The following CCN4 variants were observed in gnomAD, a reference collection of about 807,000 sequenced individuals.
CCN4 encodes cellular communication network factor 4.
Under a neutral mutation model 36.7 loss-of-function variants are expected in CCN4, and 30 were observed. That is an observed-to-expected ratio of 0.82 (90% CI 0.61 to 1.11). The LOEUF (loss-of-function observed/expected upper bound fraction) is 1.11. Ranked by LOEUF, CCN4 falls within the 50% of genes least tolerant of loss-of-function variation. CCN4 has a pLI of 0.00. For synonymous variants in CCN4, 191 were observed against 195.4 expected (o/e 0.98, Z 0.19); for missense variants, 505 against 504.9 (o/e 1.00, Z 0.00).
At chr8:133,205,431 C>A (rs547782647) in intron 1 of CCN4, among the ~76,000 whole-genome samples, 1 of 152,288 alleles carries the variant, frequency 6.6e-6, no homozygotes, top group South Asian at 2.1e-4. Context: ...GACTTACGAT[C>A]TTTTCTCCTT....
At chr8:133,194,545 G>A in intron 1 of CCN4, among the ~76,000 whole-genome samples, 1 of 89,222 alleles carries the variant, frequency 1.1e-5, no homozygotes, top group Non-Finnish European at 2.2e-5. Flanking sequence ...TGGTGTGTAT[G>A]TGGTGTGTGT....
chr8:133,206,994 C>CG (rs897328517), intron 1 of CCN4, among the ~76,000 whole-genome samples: 22 of 152,104 alleles, frequency 1.4e-4, no homozygotes, highest in African/African-American at 3.9e-4. Flanking sequence ...AGCAGGAAGG[C>CG]GGGGGGGAAA....
rs1223966080 is a variant in CCN4, at chr8:133,229,010, A to G, written c.*1300A>G. On this transcript the variant is annotated 3_prime_UTR_variant, in exon 5 of 5. Transcript: ENST00000250160. ...CTATTATTTATTGTATTAGGAAAAT[A>G]TAATATTTACTGTTAGAATTCTTTT... 2.6e-5 allele frequency: 4 copies of G among 152,254 alleles called. No individual in the cohort carries two copies. The East Asian group carries it at 7.7e-4, about 29-fold the overall frequency. 9.4% of individuals were successfully genotyped at this position (152,254 alleles called of 1,614,324 possible).
At position 133,213,083 on chromosome 8, in the gene CCN4, C is replaced by T. The variant is rs745595165; in HGVS notation, c.289C>T (p.Arg97Trp). The change falls in exon 2 of 5, where the codon CGG becomes TGG. Residue 97 changes from arginine to tryptophan, a missense_variant. Coordinates refer to ENST00000250160, the MANE Select transcript of CCN4 (RefSeq NM_003882.4). ...CTEAAICDPH[R>W]GLYCDYSGDR... is the part of the protein sequence containing the mutation. ...GGAGGCTGCCATCTGTGACCCCCAC[C>T]GGGGCCTCTACTGTGACTACAGCGG... 1.2e-6 allele frequency: 2 copies of T among 1,614,088 alleles called. No individual in the cohort carries two copies. Among genetic ancestry groups the T allele is most frequent in the Non-Finnish European group, 8.5e-7 (1 of 1,179,938 alleles).
In CCN4 at chr8:133,227,507, T is replaced by C. The variant is rs1165444613; in HGVS notation, c.901T>C (p.Cys301Arg). ...CACACGCTCCTATCAACCCAAGTACTGTGGAGTTTGCATGGACAATAGGTG... is the reference window on the plus strand; with the variant it reads ...CACACGCTCCTATCAACCCAAGTACCGTGGAGTTTGCATGGACAATAGGTG... ...ISTRSYQPKY[C>R]GVCMDNRCCI... The change falls in exon 5 of 5, where the codon TGT (cysteine) becomes CGT (arginine). Residue 301 changes from cysteine to arginine, a missense_variant. Transcript: ENST00000250160. 6.2e-7 allele frequency: 1 copy of C among 1,614,182 alleles called. No individual in the cohort carries two copies. Among genetic ancestry groups the C allele is most frequent in the Non-Finnish European group, 8.5e-7 (1 of 1,180,034 alleles).
chr8:133,201,021 T>C (rs2977526), intron 1 of CCN4, among the ~76,000 whole-genome samples: 152,275 of 152,306 alleles, frequency 1, 76,122 homozygotes, highest in Non-Finnish European at 1. Flanking sequence ...TGTGGTCCTA[T>C]TCCCAACCCC....
chr8:133,191,924 C>T (rs1053708302), intron 1 of CCN4, among the ~76,000 whole-genome samples: 1 of 152,120 alleles, frequency 6.6e-6, no homozygotes, highest in African/African-American at 2.4e-5. Flanking sequence ...CCAGGGTACA[C>T]CAAGGGGAAG....
intron 1 of CCN4, among the ~76,000 whole-genome samples, chr8:133,212,213 C>T (rs1854071206): frequency 6.6e-6 from 1 of 152,132 alleles, no homozygotes; most frequent in Non-Finnish European, 1.5e-5. Context: ...CCATGTAGGG[C>T]TTGTGCTGGC....
At chr8:133,226,115 A>C (rs1854726502) in intron 4 of CCN4, among the ~76,000 whole-genome samples, 1 of 152,228 alleles carries the variant, frequency 6.6e-6, no homozygotes, top group South Asian at 2.1e-4. Context: ...GATAATTAAA[A>C]TAAAGCATCA....
intron 1 of CCN4, among the ~76,000 whole-genome samples, chr8:133,192,045 G>GA (rs1403349431): frequency 1.3e-5 from 2 of 152,216 alleles, no homozygotes; most frequent in Non-Finnish European, 2.9e-5. Context: ...GCAGTGCAAG[G>GA]AGGGCAGGAG....
chr8:133,202,366 T>C (rs780464337), intron 1 of CCN4, among the ~76,000 whole-genome samples: 1 of 152,206 alleles, frequency 6.6e-6, no homozygotes, highest in South Asian at 2.1e-4. Context: ...CGTTCCTGTC[T>C]CCTTGGAGGC....
chr8:133,212,927 C>T lies in CCN4; in HGVS notation c.133C>T (p.Arg45Cys), dbSNP rs529938783. Residue 45 changes from arginine to cysteine, a missense_variant, in exon 2 of 5, where the codon CGC (arginine) becomes TGC (cysteine). Arg to Cys is a radical substitution (Grantham distance 180). Transcript: ENST00000250160. ...AGCTCCACTGGAGGACACCTCCTCA[C>T]GCCCCCAATTCTGCAAGTGGCCATG... Reference protein sequence around the residue: ...TPAPLEDTSSRPQFCKWPCEC... With the variant: ...TPAPLEDTSSCPQFCKWPCEC... The T allele has an allele frequency of 9.9e-6, 16 of 1,613,362 alleles. No homozygotes were observed. Among genetic ancestry groups the T allele is most frequent in the African/African-American group, 4.0e-5 (3 of 74,966 alleles).
chr8:133,217,170 A>C (rs976596633), intron 2 of CCN4, among the ~76,000 whole-genome samples: 2 of 152,274 alleles, frequency 1.3e-5, no homozygotes, highest in Non-Finnish European at 2.9e-5. Context: ...AGTGCCTGCT[A>C]CATGGCAGGA....
chr8:133,212,400 A>G (rs1564259417), intron 1 of CCN4, among the ~76,000 whole-genome samples: 1 of 151,970 alleles, frequency 6.6e-6, no homozygotes, highest in African/African-American at 2.4e-5. Context: ...TGACTCAGAG[A>G]GGCCTTAAGA....
intron 1 of CCN4, among the ~76,000 whole-genome samples, chr8:133,200,527 T>C (rs985963329): frequency 6.6e-6 from 1 of 152,192 alleles, no homozygotes; most frequent in African/African-American, 2.4e-5. Flanking sequence ...GCCTGGGACA[T>C]GAAAGGCCCT....
At chr8:133,220,528 G>C (rs1588202395) in intron 2 of CCN4, 53 bp from the exon 3 acceptor site, 1 of 1,589,768 alleles carries the variant, frequency 6.3e-7, no homozygotes, top group Middle Eastern at 1.7e-4. Context: ...AGGCAGCTGG[G>C]CCAGCCAGGG....
chr8:133,196,320 C>G (rs934229929), intron 1 of CCN4, among the ~76,000 whole-genome samples: 5 of 152,200 alleles, frequency 3.3e-5, no homozygotes, highest in Non-Finnish European at 7.3e-5. Context: ...ATAAGATACA[C>G]CATTGATTCC....
intron 2 of CCN4, among the ~76,000 whole-genome samples, chr8:133,213,628 C>G (rs1038942683): frequency 3.3e-5 from 5 of 150,868 alleles, no homozygotes; most frequent in Non-Finnish European, 7.4e-5. Context: ...CTACATTTCT[C>G]AGTTACTTCA....
chr8:133,214,495 C>G (rs1197612394), intron 2 of CCN4, among the ~76,000 whole-genome samples: 1 of 149,388 alleles, frequency 6.7e-6, no homozygotes, highest in Non-Finnish European at 1.5e-5. Context: ...TGATATCCTC[C>G]TGTTTGGAGG....
Sources: allele counts gnomAD v4.1 joint callset (sites outside exome capture counted in the v4.1 genomes callset), GRCh38; gene constraint gnomAD v4.1.1; transcripts MANE v1.5; gene names NCBI Gene and HGNC (gene_info 2026-07-23, HGNC 2026-07-21).